Variants in EWSR1 observed in about 807,000 individuals in gnomAD.
EWSR1 encodes the protein EWS RNA binding protein 1, also known as RNA-binding protein EWS.
EWSR1 carries 14 observed loss-of-function variants against 92.1 expected under a neutral mutation model. That is an observed-to-expected ratio of 0.15 (90% CI 0.10 to 0.24). EWSR1 has a LOEUF of 0.24. EWSR1 is among the 10% of genes least tolerant of loss of function. The probability of loss-of-function intolerance (pLI) is 1.00; values close to 1 mark genes in which losing one functional copy is unlikely to be tolerated. For missense variants in EWSR1, 637 were observed against 870.9 expected (o/e 0.73, Z 3.38); for synonymous variants, 303 against 292.9 (o/e 1.03, Z -0.35).
At chr22:29,269,431 C>T (rs1443381619) in intron 1 of EWSR1, 1 of 152,170 alleles carries the variant, frequency 6.6e-6, no homozygotes, top group East Asian at 1.9e-4. Flanking sequence ...TGTCGCCTAG[C>T]CATCACCTGC....
At chr22:29,268,672 C>T (rs867669739) in intron 1 of EWSR1, among the ~76,000 whole-genome samples, 1 of 152,192 alleles carries the variant, frequency 6.6e-6, no homozygotes, top group Non-Finnish European at 1.5e-5. Flanking sequence ...GGCCTGCGGC[C>T]TTCGAGGCCC....
intron 13 of EWSR1, among the ~76,000 whole-genome samples, chr22:29,298,432 G>T (rs535612239): frequency 4.6e-5 from 7 of 152,090 alleles, no homozygotes; most frequent in East Asian, 1.9e-4. Flanking sequence ...TTTGAATCTG[G>T]GGGGGTGGAG....
intron 11 of EWSR1, among the ~76,000 whole-genome samples, chr22:29,293,558 T>A (rs902605907): frequency 1.3e-5 from 2 of 152,184 alleles, no homozygotes; most frequent in African/African-American, 4.8e-5. Flanking sequence ...TCCATTTATT[T>A]GTATATTTAT....
At position 29,273,881 on chromosome 22, in the gene EWSR1, A is replaced by T. The variant is rs2058890197; in HGVS notation, c.226+17A>T. ...CTCCCACTGGTAAGGCCTGCCTTGG[A>T]GAGATTTTTGGGTCGTTCTGGCTAG... On this transcript the variant is annotated intron_variant, in intron 4 of 16. Coordinates refer to ENST00000397938, the MANE Select transcript of EWSR1 (RefSeq NM_005243.4). The T allele has an allele frequency of 6.2e-7, 1 of 1,612,722 alleles. No homozygotes were observed. The highest frequency in any genetic ancestry group is 8.5e-7 in the Non-Finnish European group (1 of 1,179,542).
At chr22:29,289,775 T>A in intron 8 of EWSR1, 1 of 232,098 alleles carries the variant, frequency 4.3e-6, no homozygotes, top group Non-Finnish European at 8.5e-6. Context: ...TAGCAAATAC[T>A]CTTCACTACT....
At chr22:29,273,466 C>CT (rs57705223) in intron 3 of EWSR1, among the ~76,000 whole-genome samples, 13 of 152,104 alleles carry the variant, frequency 8.5e-5, no homozygotes, top group African/African-American at 2.7e-4. Context: ...GCCTGATTAT[C>CT]TTTTTTTTCC....
intron 4 of EWSR1, among the ~76,000 whole-genome samples, chr22:29,275,174 AT>A (rs2059006442): frequency 1.3e-5 from 2 of 152,156 alleles, no homozygotes; most frequent in East Asian, 3.8e-4. Context: ...TGCAGTTTGG[AT>A]TTTTTAGCAT....
chr22:29,268,470 C>T, intron 1 of EWSR1, 121 bp downstream of exon 1: 1 of 1,552,270 alleles, frequency 6.4e-7, no homozygotes, highest in Non-Finnish European at 8.9e-7. Context: ...TTGAGGCACC[C>T]GCCGCGGCCC....
chr22:29,287,510 G>A (rs2060135941), intron 7 of EWSR1, among the ~76,000 whole-genome samples: 1 of 152,130 alleles, frequency 6.6e-6, no homozygotes, highest in Non-Finnish European at 1.5e-5. Flanking sequence ...GCCCAGCCAC[G>A]TTTGGAGTTT....
chr22:29,278,330 C>G (rs551908409), intron 5 of EWSR1, 114 bp downstream of exon 5: 2 of 960,184 alleles, frequency 2.1e-6, no homozygotes, highest in African/African-American at 1.6e-5. Flanking sequence ...CTTTCATATA[C>G]TCTCAGATGT....
chr22:29,272,562 A>G (rs2058763047), intron 3 of EWSR1, 131 bp downstream of exon 3: 1 of 922,346 alleles, frequency 1.1e-6, no homozygotes, highest in Non-Finnish European at 1.7e-6. Context: ...GGCATTTTAA[A>G]CTTTCACAGT....
At chr22:29,292,762 C>CTTTTTTTTTTTT (rs34395867) in intron 11 of EWSR1, among the ~76,000 whole-genome samples, 156 bp downstream of exon 11, 1 of 100,844 alleles carries the variant, frequency 9.9e-6, no homozygotes, top group African/African-American at 4.0e-5. Flanking sequence ...AAAGATTAGC[C>CTTTTTTTTTTTT]TTTTTTTTTT....
At chr22:29,282,914 C>T (rs1193998197) in intron 6 of EWSR1, among the ~76,000 whole-genome samples, 1 of 152,026 alleles carries the variant, frequency 6.6e-6, no homozygotes, top group Non-Finnish European at 1.5e-5. Flanking sequence ...GGGTGCCCGC[C>T]ACCACGCCCA....
intron 1 of EWSR1, among the ~76,000 whole-genome samples, chr22:29,268,761 G>A (rs549535867): frequency 1.6e-4 from 24 of 152,370 alleles, no homozygotes; most frequent in Non-Finnish European, 2.9e-4. Flanking sequence ...TGCTGTCCCT[G>A]TGAGGCCTCC....
At chr22:29,272,461 C>T (rs773819889) in intron 3 of EWSR1, 30 bp downstream of exon 3, 17 of 1,598,428 alleles carry the variant, frequency 1.1e-5, no homozygotes, top group Non-Finnish European at 1.5e-5. Flanking sequence ...CATGTAGCTG[C>T]ACCTCCAAGT....
At chr22:29,297,363 C>T (rs185830418) in intron 12 of EWSR1, among the ~76,000 whole-genome samples, 16 of 152,302 alleles carry the variant, frequency 1.1e-4, no homozygotes, top group Admixed American at 7.2e-4. Flanking sequence ...CCATGTTGGT[C>T]AGGCTGTAGG....
At chr22:29,270,851 A>C (rs1027136703) in intron 1 of EWSR1, among the ~76,000 whole-genome samples, 1 of 152,224 alleles carries the variant, frequency 6.6e-6, no homozygotes, top group African/African-American at 2.4e-5. Flanking sequence ...TTGTAGTGCT[A>C]TTGAAAATGC....
In EWSR1 at chr22:29,272,167, C is replaced by G. The variant is rs752720273; in HGVS notation, c.14-49C>G. The G allele has an allele frequency of 3.2e-6, 5 of 1,561,940 alleles. No individual in the cohort carries two copies. In the African/African-American group the frequency reaches 4.1e-5, roughly 13 times the overall value. On this transcript the variant is annotated intron_variant, in intron 1 of 16. Coordinates refer to ENST00000397938, the MANE Select transcript of EWSR1 (RefSeq NM_005243.4). ...ATTCTTTCCCCCTTTTTTCTCTTCT[C>G]CTTGTTTCTGCTAACTTTACACTAT...
At position 29,292,127 on chromosome 22, in the gene EWSR1, T is replaced by C; in HGVS notation, c.1013-10T>C. 6.2e-7 allele frequency: 1 copy of C among 1,613,488 alleles called. No individual in the cohort carries two copies. The highest frequency in any genetic ancestry group is 8.5e-7 in the Non-Finnish European group (1 of 1,179,388). On this transcript the variant is annotated splice_polypyrimidine_tract_variant and intron_variant, in intron 9 of 16. Coordinates refer to ENST00000397938, the MANE Select transcript of EWSR1 (RefSeq NM_005243.4). ...TAATAATATTTTATATGATCTTTCC[T>C]GGTTGGCAGGACCCATGGATGAAGG...
Sources: allele counts gnomAD v4.1 joint callset (sites outside exome capture counted in the v4.1 genomes callset), GRCh38; gene constraint gnomAD v4.1.1; transcripts MANE v1.5; gene names NCBI Gene and HGNC (gene_info 2026-07-23, HGNC 2026-07-21).